The following JMJD1C variants were observed in gnomAD, a reference collection of about 807,000 sequenced individuals.
JMJD1C encodes the protein jumonji domain-containing protein 1C.
In JMJD1C, 31 loss-of-function variants were observed where a neutral mutation model predicts 245.3. That is an observed-to-expected ratio of 0.13 (90% CI 0.09 to 0.17). The LOEUF is 0.17. Among genes scored for constraint, JMJD1C ranks in the 10% least tolerant of loss-of-function variants. JMJD1C has a pLI of 1.00. For missense variants in JMJD1C, 2,691 were observed against 3,000.2 expected, an observed-to-expected ratio of 0.90 and a Z score of 2.41; for synonymous variants, 1,057 against 1,017.4, an observed-to-expected ratio of 1.04 and a Z score of -0.74.
chr10:63,503,264 G>T (rs1954616090), intron 1 of JMJD1C, among the ~76,000 whole-genome samples: 3 of 152,118 alleles, frequency 2.0e-5, no homozygotes, highest in Non-Finnish European at 4.4e-5. Flanking sequence ...AGGTTTTTTA[G>T]GGGTTTTTGG....
intron 2 of JMJD1C, among the ~76,000 whole-genome samples, chr10:63,375,448 A>G (rs1301061177): frequency 6.6e-6 from 1 of 152,182 alleles, no homozygotes; most frequent in Non-Finnish European, 1.5e-5. Context: ...GAAATAAACA[A>G]AACTACAAAA....
At chr10:63,400,856 G>A (rs1243349989) in intron 1 of JMJD1C, among the ~76,000 whole-genome samples, 5 of 151,918 alleles carry the variant, frequency 3.3e-5, no homozygotes, top group African/African-American at 9.7e-5. Flanking sequence ...AAAGGTGTAA[G>A]CCACCACATC....
intron 2 of JMJD1C, among the ~76,000 whole-genome samples, chr10:63,360,099 C>A (rs532716492): frequency 6.6e-6 from 1 of 152,042 alleles, no homozygotes; most frequent in African/African-American, 2.4e-5. Context: ...CAATAGAGGC[C>A]AACAGTTGAA....
At chr10:63,192,443 C>T (rs1161303298) in intron 16 of JMJD1C, among the ~76,000 whole-genome samples, 1 of 152,058 alleles carries the variant, frequency 6.6e-6, no homozygotes, top group Admixed American at 6.6e-5. Flanking sequence ...TGATGCATGC[C>T]TTTAGTCCCA....
At chr10:63,519,772 G>A (rs906065011) in intron 1 of JMJD1C, among the ~76,000 whole-genome samples, 1 of 152,318 alleles carries the variant, frequency 6.6e-6, no homozygotes, top group East Asian at 1.9e-4. Flanking sequence ...TGAAAATACA[G>A]GTTGGCTGAA....
intron 2 of JMJD1C, among the ~76,000 whole-genome samples, chr10:63,277,754 T>TTTTTTTTTA (rs1856960131): frequency 8.9e-6 from 1 of 111,950 alleles, no homozygotes; most frequent in Non-Finnish European, 1.9e-5. Flanking sequence ...TTTTTTTTTT[T>TTTTTTTTTA]TGAGACAGAG....
At chr10:63,403,867 C>T (rs185173684) in intron 1 of JMJD1C, among the ~76,000 whole-genome samples, 2 of 152,212 alleles carry the variant, frequency 1.3e-5, no homozygotes, top group South Asian at 4.1e-4. Flanking sequence ...ACCTAGGAGG[C>T]GGAGGTTGCA....
chr10:63,428,652 T>TA (rs1045978250), intron 1 of JMJD1C, among the ~76,000 whole-genome samples: 4 of 152,010 alleles, frequency 2.6e-5, no homozygotes, highest in Admixed American at 1.3e-4. Flanking sequence ...CCTCACCAGT[T>TA]AGACTATGGA....
At chr10:63,251,382 A>G (rs1853045820) in intron 3 of JMJD1C, among the ~76,000 whole-genome samples, 1 of 152,212 alleles carries the variant, frequency 6.6e-6, no homozygotes, top group Non-Finnish European at 1.5e-5. Flanking sequence ...ATTACTTTAC[A>G]CAACTGACAG....
At chr10:63,202,555 T>C in intron 10 of JMJD1C, 2 of 985,390 alleles carry the variant, frequency 2.0e-6, no homozygotes, top group Non-Finnish European at 2.4e-6. Context: ...TGAAATCAGG[T>C]CCAATTATTA....
Position 63,214,356 on chromosome 10 carries a change from C to T in JMJD1C, c.1811G>A (p.Ser604Asn). 6.2e-7 allele frequency: 1 copy of T among 1,614,014 alleles called. No individual in the cohort carries two copies. Among genetic ancestry groups the T allele is most frequent in the African/African-American group, 1.3e-5 (1 of 75,046 alleles). ...EKYVSYISPL[S>N]AVSVMEDKLH... Reference sequence around the variant, plus strand: ...CTTATCTTCCATGACAGAAACTGCACTTAAAGGAGAAATGTAAGAGACATA... The same window carrying T: ...CTTATCTTCCATGACAGAAACTGCATTTAAAGGAGAAATGTAAGAGACATA... Residue 604 changes from serine (S) to asparagine (N), a missense_variant, in exon 8 of 26, where the codon AGT becomes AAT. This residue lies in a region of JMJD1C where 1,562 missense variants were observed against 1,490.7 expected (regional missense o/e 1.05). Coordinates refer to ENST00000399262, the MANE Select transcript of JMJD1C (RefSeq NM_032776.3).
chr10:63,427,392 A>G (rs1191893559), intron 1 of JMJD1C: 9 of 1,097,382 alleles, frequency 8.2e-6, no homozygotes, highest in Non-Finnish European at 1.2e-5. Context: ...CCTATAGCAA[A>G]CATGTCTTGA....
At chr10:63,296,007 A>G (rs1195226855) in intron 2 of JMJD1C, among the ~76,000 whole-genome samples, 6 of 14,584 alleles carry the variant, frequency 4.1e-4, no homozygotes, top group South Asian at 1.6e-3. Context: ...GTGTGTGTAT[A>G]TATATATTTT....
At chr10:63,255,829 T>C (rs1853828591) in intron 3 of JMJD1C, among the ~76,000 whole-genome samples, 1 of 152,128 alleles carries the variant, frequency 6.6e-6, no homozygotes, top group South Asian at 2.1e-4. Context: ...ATTCCCAAAA[T>C]TAAATTCTAA....
intron 10 of JMJD1C, among the ~76,000 whole-genome samples, chr10:63,205,818 T>C (rs1460384062): frequency 6.6e-6 from 1 of 152,046 alleles, no homozygotes; most frequent in African/African-American, 2.4e-5. Context: ...ATATATACAT[T>C]CCATCATTTT....
At chr10:63,279,494 T>C (rs1451593375) in intron 2 of JMJD1C, among the ~76,000 whole-genome samples, 1 of 152,184 alleles carries the variant, frequency 6.6e-6, no homozygotes, top group Non-Finnish European at 1.5e-5. Flanking sequence ...TTCCTTGAAA[T>C]GCATGTGAAA....
intron 3 of JMJD1C, among the ~76,000 whole-genome samples, chr10:63,225,021 C>T (rs764367851): frequency 2.0e-5 from 3 of 151,304 alleles, no homozygotes; most frequent in Non-Finnish European, 2.9e-5. Context: ...GAGATTGCAC[C>T]ACTGCACTCC....
chr10:63,289,546 A>G (rs1858396014), intron 2 of JMJD1C, among the ~76,000 whole-genome samples: 2 of 152,210 alleles, frequency 1.3e-5, no homozygotes, highest in African/African-American at 2.4e-5. Context: ...AAGTTTCAAG[A>G]GCAGTGACTT....
intron 1 of JMJD1C, among the ~76,000 whole-genome samples, chr10:63,398,842 A>G (rs552998313): frequency 1.2e-4 from 18 of 152,186 alleles, no homozygotes; most frequent in Middle Eastern, 3.4e-3. Flanking sequence ...ACAGGGTTTC[A>G]CCATGTTGGC....
Sources: allele counts gnomAD v4.1 joint callset (sites outside exome capture counted in the v4.1 genomes callset), GRCh38; gene constraint gnomAD v4.1.1; regional missense constraint gnomAD v4.1.1; transcripts MANE v1.5; gene names NCBI Gene and HGNC (gene_info 2026-07-23, HGNC 2026-07-21).